The following DTNB variants were observed in gnomAD, a reference collection of about 807,000 sequenced individuals.
The protein encoded by DTNB is dystrobrevin beta.
DTNB carries 63 observed loss-of-function variants against 90.7 expected under a neutral mutation model. That is an observed-to-expected ratio of 0.69 (90% CI 0.57 to 0.86). The LOEUF (loss-of-function observed/expected upper bound fraction) is 0.86. Ranked by LOEUF, DTNB falls within the 40% of genes least tolerant of loss-of-function variation. The pLI is 0.00. For synonymous variants in DTNB, 277 were observed against 286.7 expected (o/e 0.97, Z 0.34); for missense variants, 744 against 807.1 (o/e 0.92, Z 0.95).
intron 8 of DTNB, among the ~76,000 whole-genome samples, chr2:25,554,055 T>C (rs533220730): frequency 6.6e-6 from 1 of 152,120 alleles, no homozygotes; most frequent in Non-Finnish European, 1.5e-5. Context: ...ACACCAACCC[T>C]GGGGCTAAGA....
intron 6 of DTNB, among the ~76,000 whole-genome samples, chr2:25,591,134 C>T (rs2063492183): frequency 6.6e-6 from 1 of 152,220 alleles, no homozygotes; most frequent in South Asian, 2.1e-4. Flanking sequence ...AGCAGGGAGA[C>T]GCCAGGCAGC....
chr2:25,627,267 C>T (rs1220582648), intron 4 of DTNB, among the ~76,000 whole-genome samples: 2 of 152,032 alleles, frequency 1.3e-5, no homozygotes, highest in Admixed American at 6.6e-5. Flanking sequence ...ACAAAATTAG[C>T]TGGGCGTGGT....
chr2:25,576,216 GTTTTGT>G (rs1365105584), intron 8 of DTNB, among the ~76,000 whole-genome samples: 1 of 130,272 alleles, frequency 7.7e-6, no homozygotes, highest in African/African-American at 2.9e-5. Flanking sequence ...CCCTTGAACA[GTTTTGT>G]TTTTTTTTTT....
At chr2:25,620,577 G>A (rs1341821640) in intron 4 of DTNB, among the ~76,000 whole-genome samples, 2 of 152,172 alleles carry the variant, frequency 1.3e-5, no homozygotes, top group African/African-American at 4.8e-5. Flanking sequence ...AAAACCCTTT[G>A]CAAGTCTGCA....
Position 25,432,971 on chromosome 2 carries a change from G to A in DTNB, c.1372C>T (p.Arg458Cys), listed in dbSNP as rs781462559. The A allele has an allele frequency of 1.7e-5, 27 of 1,609,576 alleles. No homozygotes were observed. The highest frequency in any genetic ancestry group is 1.6e-4 in the Middle Eastern group (1 of 6,078). Residue 458 changes from arginine (R) to cysteine (C), a missense_variant, in exon 14 of 21, where the codon CGC (arginine) becomes TGC (cysteine). Coordinates refer to ENST00000406818, the MANE Select transcript of DTNB (RefSeq NM_021907.5). Reference sequence around the variant, plus strand: ...TGGGAGGCCTGCTCGTGTTCCAGGCGGAGACGCTGAATCTCCTGCAGGATC... The same window carrying A: ...TGGGAGGCCTGCTCGTGTTCCAGGCAGAGACGCTGAATCTCCTGCAGGATC... The part of the protein sequence containing the change: ...REILQEIQRL[R>C]LEHEQASQPT...
At chr2:25,662,895 A>G (rs1353677961) in intron 1 of DTNB, among the ~76,000 whole-genome samples, 1 of 152,102 alleles carries the variant, frequency 6.6e-6, no homozygotes, top group Non-Finnish European at 1.5e-5. Context: ...TTAAGTGGAA[A>G]CATATTTTTT....
chr2:25,638,189 T>G (rs1364298790), intron 3 of DTNB, among the ~76,000 whole-genome samples: 2 of 152,054 alleles, frequency 1.3e-5, no homozygotes, highest in African/African-American at 4.8e-5. Context: ...AAGGGGAATA[T>G]CACACACCGG....
chr2:25,413,242 T>C (rs1309707039), intron 16 of DTNB, among the ~76,000 whole-genome samples: 2 of 151,758 alleles, frequency 1.3e-5, no homozygotes, highest in African/African-American at 4.8e-5. Context: ...ATTATTTTCA[T>C]TATTTGCTTT....
chr2:25,481,260 C>T (rs1408921574), intron 10 of DTNB, among the ~76,000 whole-genome samples: 6 of 151,568 alleles, frequency 4.0e-5, no homozygotes, highest in Admixed American at 3.3e-4. Flanking sequence ...CAAAAATTAG[C>T]TAGGTATGGT....
At chr2:25,608,198 A>G (rs568655297) in intron 4 of DTNB, among the ~76,000 whole-genome samples, 1 of 152,246 alleles carries the variant, frequency 6.6e-6, no homozygotes, top group South Asian at 2.1e-4. Flanking sequence ...AGAGTAAAAC[A>G]CTTTTGCAAT....
intron 9 of DTNB, among the ~76,000 whole-genome samples, chr2:25,505,211 G>C (rs776309518): frequency 6.6e-6 from 1 of 152,076 alleles, no homozygotes; most frequent in Admixed American, 6.5e-5. Flanking sequence ...GTCTGCATTG[G>C]AGTACCCCAG....
intron 9 of DTNB, among the ~76,000 whole-genome samples, chr2:25,510,723 G>A (rs573330748): frequency 6.6e-6 from 1 of 152,240 alleles, no homozygotes; most frequent in South Asian, 2.1e-4. Flanking sequence ...GGCCAGGCTG[G>A]TCTCGAACTC....
intron 9 of DTNB, among the ~76,000 whole-genome samples, chr2:25,514,438 T>C (rs1236938254): frequency 6.6e-6 from 1 of 152,148 alleles, no homozygotes; most frequent in East Asian, 1.9e-4. Context: ...GACCATTGTA[T>C]AGACTTCGGC....
chr2:25,379,258 C>T, intron 20 of DTNB, 32 bp downstream of exon 20: 3 of 1,316,936 alleles, frequency 2.3e-6, no homozygotes, highest in Admixed American at 3.5e-5. Flanking sequence ...GAGGGAGGGG[C>T]CGTGGGGAGG....
chr2:25,601,245 C>G (rs1201550916), intron 5 of DTNB, among the ~76,000 whole-genome samples: 1 of 151,966 alleles, frequency 6.6e-6, no homozygotes, highest in Non-Finnish European at 1.5e-5. Flanking sequence ...AAATAAAGCC[C>G]TAAACCCTCC....
chr2:25,640,503 T>G (rs1189264351), intron 2 of DTNB, among the ~76,000 whole-genome samples: 7 of 152,208 alleles, frequency 4.6e-5, no homozygotes, highest in African/African-American at 1.7e-4. Flanking sequence ...CCTGATGTCA[T>G]GATTAAAATT....
intron 9 of DTNB, among the ~76,000 whole-genome samples, chr2:25,522,083 G>C (rs1469247399): frequency 6.6e-6 from 1 of 152,212 alleles, no homozygotes; most frequent in East Asian, 1.9e-4. Flanking sequence ...AAGCCTGTTA[G>C]AGGCATCCAG....
intron 4 of DTNB, among the ~76,000 whole-genome samples, chr2:25,609,097 A>G (rs1573351054): frequency 6.6e-6 from 1 of 152,210 alleles, no homozygotes; most frequent in South Asian, 2.1e-4. Context: ...ATCATTTTGC[A>G]CTATGTTCCT....
intron 8 of DTNB, among the ~76,000 whole-genome samples, chr2:25,568,326 T>C (rs1463921411): frequency 6.6e-6 from 1 of 152,130 alleles, no homozygotes; most frequent in Non-Finnish European, 1.5e-5. Flanking sequence ...TTATATTACA[T>C]ATATTTTACC....
Sources: gnomAD v4.1 joint callset for allele counts (sites outside exome capture counted in the v4.1 genomes callset) on GRCh38, gnomAD v4.1.1 for gene constraint, MANE v1.5 for transcripts, NCBI Gene and HGNC (gene_info 2026-07-23, HGNC 2026-07-21) for gene names.